The following CACNA1A variants were observed in gnomAD, a reference collection of about 807,000 sequenced individuals.
CACNA1A encodes voltage-dependent P/Q-type calcium channel subunit alpha-1A.
A neutral mutation model predicts 262.4 loss-of-function variants in CACNA1A; 57 were observed. The observed-to-expected ratio is 0.22, with a 90% confidence interval of 0.18 to 0.27. CACNA1A has a LOEUF of 0.27. Among genes scored for constraint, CACNA1A ranks in the 10% least tolerant of loss-of-function variants. CACNA1A has a pLI of 1.00. For missense variants in CACNA1A, 2,526 were observed against 3,562.8 expected (o/e 0.71, Z 7.41); for synonymous variants, 1,431 against 1,419.3 (o/e 1.01, Z -0.18).
At chr19:13,397,393 T>C (rs2059827325) in intron 3 of CACNA1A, among the ~76,000 whole-genome samples, 1 of 152,148 alleles carries the variant, frequency 6.6e-6, no homozygotes, top group Non-Finnish European at 1.5e-5. Context: ...GTGGAAGAAC[T>C]CAGGAGTGTC....
chr19:13,267,740 C>T (rs1043920337), intron 24 of CACNA1A, among the ~76,000 whole-genome samples: 3 of 151,836 alleles, frequency 2.0e-5, no homozygotes, highest in Non-Finnish European at 2.9e-5. Context: ...GCCAGAAGTT[C>T]GAGACCAGCC....
intron 1 of CACNA1A, 112 bp downstream of exon 1, chr19:13,505,820 C>A: frequency 8.9e-7 from 1 of 1,128,920 alleles, no homozygotes. Context: ...TGGAAGACCC[C>A]CCTCCTCCCC....
chr19:13,375,308 G>A (rs1599315479), intron 3 of CACNA1A, among the ~76,000 whole-genome samples: 1 of 152,034 alleles, frequency 6.6e-6, no homozygotes, highest in South Asian at 2.1e-4. Context: ...CTACCAACTG[G>A]CCATTTCCCC....
intron 10 of CACNA1A, among the ~76,000 whole-genome samples, chr19:13,319,931 C>A (rs999169518): frequency 1.3e-5 from 2 of 152,222 alleles, no homozygotes; most frequent in South Asian, 2.1e-4. Flanking sequence ...GTGCTCTGGG[C>A]CGCCACATTG....
At chr19:13,393,973 G>A (rs1372874375) in intron 3 of CACNA1A, among the ~76,000 whole-genome samples, 2 of 152,042 alleles carry the variant, frequency 1.3e-5, no homozygotes, top group African/African-American at 4.8e-5. Flanking sequence ...ACTAGGCGCT[G>A]GTTACATGAC....
chr19:13,259,953 C>T, intron 26 of CACNA1A: 1 of 444,620 alleles, frequency 2.2e-6, no homozygotes, highest in South Asian at 2.5e-5. Context: ...ACCCAGGGTC[C>T]AGCACCCTCT....
intron 6 of CACNA1A, among the ~76,000 whole-genome samples, chr19:13,355,963 A>C (rs1223785541): frequency 6.6e-6 from 1 of 152,206 alleles, no homozygotes; most frequent in Non-Finnish European, 1.5e-5. Context: ...TGGGGGCAGA[A>C]ATCATCCCTG....
chr19:13,497,488 CAAAAAAAAAAAAAAAAA>C (rs59964256), intron 1 of CACNA1A, among the ~76,000 whole-genome samples: 8 of 3,986 alleles, frequency 2.0e-3, no homozygotes, highest in African/African-American at 5.2e-3. Flanking sequence ...AACTCCATCT[CAAAAAAAAAAAAAAAAA>C]AAAAAAAAAA....
At chr19:13,379,531 G>A (rs578128019) in intron 3 of CACNA1A, among the ~76,000 whole-genome samples, 2 of 152,140 alleles carry the variant, frequency 1.3e-5, no homozygotes, top group South Asian at 2.1e-4. Context: ...GGGAAAGGAC[G>A]CGTCAGTGAC....
At chr19:13,226,532 T>A (rs2055455723) in intron 37 of CACNA1A, 1 of 152,152 alleles carries the variant, frequency 6.6e-6, no homozygotes, top group Non-Finnish European at 1.5e-5. Context: ...GGGAGAATCT[T>A]TAAAGGTCAT....
chr19:13,499,961 A>T (rs1273685853), intron 1 of CACNA1A, among the ~76,000 whole-genome samples: 1 of 151,998 alleles, frequency 6.6e-6, no homozygotes, highest in East Asian at 1.9e-4. Flanking sequence ...TGGGGGGGAA[A>T]CAGGGAGGGG....
At chr19:13,291,452 C>T (rs2057536311) in intron 19 of CACNA1A, among the ~76,000 whole-genome samples, 1 of 151,618 alleles carries the variant, frequency 6.6e-6, no homozygotes, top group Non-Finnish European at 1.5e-5. Flanking sequence ...GGCAAAGTTA[C>T]CCAGAGTTAC....
intron 1 of CACNA1A, among the ~76,000 whole-genome samples, chr19:13,503,657 G>A (rs77614412): frequency 0.1 from 3,747 of 37,508 alleles, 108 homozygotes; most frequent in African/African-American, 0.21. Context: ...ACCGCCCTCC[G>A]CTCCATCCAG....
chr19:13,488,101 C>A (rs1213081555), intron 1 of CACNA1A, among the ~76,000 whole-genome samples: 1 of 152,148 alleles, frequency 6.6e-6, no homozygotes, highest in Non-Finnish European at 1.5e-5. Context: ...TTTGAATCAT[C>A]CCATCATTTA....
rs560253052 is a variant in CACNA1A, at chr19:13,318,673, G to A, written c.1346-1352C>T. On this transcript the variant is annotated intron_variant, in intron 10 of 46. Transcript: ENST00000360228. ...TGGTAGTTAAGCGGGGAGGATTTGG[G>A]ATGAATCATTTAAGACAGATTCAAC... Among the ~76,000 whole-genome samples, 4 of 152,178 alleles carry A rather than the reference G, an allele frequency of 2.6e-5. No homozygotes were observed. In the South Asian group the frequency reaches 6.2e-4, roughly 24 times the overall value.
At chr19:13,504,673 C>T (rs911756659) in intron 1 of CACNA1A, among the ~76,000 whole-genome samples, 2 of 152,164 alleles carry the variant, frequency 1.3e-5, no homozygotes, top group Non-Finnish European at 2.9e-5. Context: ...ACACAGAGGG[C>T]AGCTGGTTGG....
intron 2 of CACNA1A, among the ~76,000 whole-genome samples, chr19:13,453,468 G>A (rs1246500432): frequency 1.3e-5 from 2 of 152,192 alleles, no homozygotes; most frequent in African/African-American, 2.4e-5. Context: ...GGAAAGCATT[G>A]GTTTAGAGAA....
chr19:13,265,426 TC>T (rs781725335), intron 24 of CACNA1A, among the ~76,000 whole-genome samples: 4 of 152,256 alleles, frequency 2.6e-5, no homozygotes, highest in Non-Finnish European at 4.4e-5. Context: ...TTTTCATTTT[TC>T]AGGGAACAAA....
rs61178346 is a variant in CACNA1A at position 13,212,827 on chromosome 19, T to TACACACAC, written c.5941-95_5941-88dup. On this transcript the variant is annotated intron_variant, in intron 40 of 46. Coordinates refer to ENST00000360228, the MANE Select transcript of CACNA1A (RefSeq NM_001127222.2). The surrounding 1 kb of genome is among the most constrained non-coding windows in gnomAD (Gnocchi z 5.6). ...AGAAGGCATTGCGACATCCCCAGTA[T>TACACACAC]ACACACACACACACACACACACTCT... The TACACACAC allele has an allele frequency of 0.017, 8,755 of 517,970 alleles. 95 individuals carry two copies. The highest frequency in any genetic ancestry group is 0.056 in the African/African-American group (2,786 of 49,994). The allele number at this position is 517,970 out of a possible 1,614,324, so 32.1% of individuals were successfully genotyped here.
Sources: allele counts gnomAD v4.1 joint callset (sites outside exome capture counted in the v4.1 genomes callset), GRCh38; gene constraint gnomAD v4.1.1; non-coding constraint Gnocchi (gnomAD v3.1); transcripts MANE v1.5; gene names NCBI Gene and HGNC (gene_info 2026-07-23, HGNC 2026-07-21).